USP34: variants seen among roughly 807,000 people sequenced by gnomAD.
USP34 encodes the protein ubiquitin specific peptidase 34, also known as ubiquitin carboxyl-terminal hydrolase 34.
In USP34, 70 loss-of-function variants were observed where a neutral mutation model predicts 460.3. That is an observed-to-expected ratio of 0.15 (90% CI 0.13 to 0.19). The LOEUF is 0.19. Ranked by LOEUF, USP34 falls within the 10% of genes least tolerant of loss-of-function variation. USP34 has a pLI of 1.00. For synonymous variants in USP34, 1,647 were observed against 1,405.3 expected (o/e 1.17, Z -3.85); for missense variants, 3,985 against 4,236.2 (o/e 0.94, Z 1.65).
intron 2 of USP34, among the ~76,000 whole-genome samples, chr2:61,420,512 C>G (rs966773109): frequency 6.6e-6 from 1 of 152,114 alleles, no homozygotes; most frequent in Non-Finnish European, 1.5e-5. Flanking sequence ...TTCTGTGACT[C>G]TCATATCCCT....
chr2:61,358,017 C>G (rs1283028061), intron 10 of USP34, among the ~76,000 whole-genome samples: 1 of 152,012 alleles, frequency 6.6e-6, no homozygotes, highest in Non-Finnish European at 1.5e-5. Flanking sequence ...ATGGCGAAAT[C>G]CCATCTCTAC....
intron 2 of USP34, among the ~76,000 whole-genome samples, chr2:61,412,220 AAGAAAGAAAC>A (rs1303234321): frequency 1.3e-5 from 2 of 150,278 alleles, no homozygotes; most frequent in Admixed American, 6.6e-5. Flanking sequence ...AAAGGAAGAA[AAGAAAGAAAC>A]AGAAAGAAAA....
intron 21 of USP34, among the ~76,000 whole-genome samples, chr2:61,322,484 T>C (rs1339885385): frequency 6.6e-6 from 1 of 152,100 alleles, no homozygotes; most frequent in East Asian, 1.9e-4. Flanking sequence ...TGAAAAAAAT[T>C]AGACAGTCCA....
chr2:61,431,756 C>T (rs1407263589), intron 1 of USP34, among the ~76,000 whole-genome samples: 3 of 151,876 alleles, frequency 2.0e-5, no homozygotes, highest in Admixed American at 1.3e-4. Context: ...TTGAGACCCG[C>T]GGCAGGAGAA....
At chr2:61,410,895 A>G (rs1694016648) in intron 2 of USP34, among the ~76,000 whole-genome samples, 1 of 152,216 alleles carries the variant, frequency 6.6e-6, no homozygotes, top group African/African-American at 2.4e-5. Flanking sequence ...CTCAGGACTT[A>G]AGAACATAAG....
chr2:61,280,712 G>A lies in USP34; in HGVS notation c.5152-364C>T, dbSNP rs532332334. 1.2e-4 allele frequency among the ~76,000 whole-genome samples: 19 copies of A among 152,116 alleles called. 1 individual carries two copies. In the South Asian group the frequency reaches 2.3e-3, roughly 18 times the overall value. ...AAAGACTAGTATATGAACTAGGGTA[G>A]GAAATAAAATTTAAAATTCTGAATA... is the stretch of plus-strand genomic sequence containing the variant. On this transcript the variant is annotated intron_variant, in intron 38 of 79. Coordinates refer to ENST00000398571, the MANE Select transcript of USP34 (RefSeq NM_014709.4).
chr2:61,373,950 C>A (rs1192305434), intron 8 of USP34, among the ~76,000 whole-genome samples: 3 of 151,984 alleles, frequency 2.0e-5, no homozygotes, highest in Non-Finnish European at 4.4e-5. Flanking sequence ...AGGTCAGGAG[C>A]TTAAGACCAG....
intron 10 of USP34, among the ~76,000 whole-genome samples, chr2:61,351,608 T>C (rs1691944664): frequency 1.3e-5 from 2 of 152,272 alleles, no homozygotes; most frequent in South Asian, 2.1e-4. Flanking sequence ...TCTATTAAAA[T>C]ATAGATTTTA....
intron 41 of USP34, among the ~76,000 whole-genome samples, chr2:61,274,554 G>C (rs1689316632): frequency 6.6e-6 from 1 of 151,804 alleles, no homozygotes; most frequent in African/African-American, 2.4e-5. Context: ...TAAAGGAAAA[G>C]GATCTGAGCA....
chr2:61,404,217 A>G (rs1176933274), intron 3 of USP34, among the ~76,000 whole-genome samples: 1 of 152,144 alleles, frequency 6.6e-6, no homozygotes, highest in African/African-American at 2.4e-5. Context: ...CAGATGAAGA[A>G]AGAGAGGTAT....
At position 61,416,979 on chromosome 2, in the gene USP34, A is replaced by G. The variant is rs918599136; in HGVS notation, c.131+3767T>C. ...GGATGAGCCGCTTCTCAGCCACCAT[A>G]TCTTCAAATTCATCGGCATTGAACT... On this transcript the variant is annotated intron_variant, in intron 2 of 79. Transcript: ENST00000398571. 5.4e-6 allele frequency: 7 copies of G among 1,308,100 alleles called. No homozygotes were observed. The Admixed American group carries it at 1.2e-4, about 22-fold the overall frequency. The allele number at this position is 1,308,100 out of a possible 1,614,324, so 81.0% of individuals were successfully genotyped here.
chr2:61,468,234 G>C (rs1373238409), intron 1 of USP34, among the ~76,000 whole-genome samples: 1 of 152,236 alleles, frequency 6.6e-6, no homozygotes, highest in African/African-American at 2.4e-5. Context: ...TGCCCAGGCT[G>C]GAGTGCAATG....
chr2:61,384,727 G>A (rs1033565710), intron 5 of USP34, among the ~76,000 whole-genome samples: 4 of 151,878 alleles, frequency 2.6e-5, no homozygotes, highest in African/African-American at 9.7e-5. Context: ...CAGAATGTAG[G>A]GATTCACTAT....
At chr2:61,234,009 A>G (rs914088851) in intron 57 of USP34, among the ~76,000 whole-genome samples, 5 of 152,182 alleles carry the variant, frequency 3.3e-5, no homozygotes, top group African/African-American at 1.2e-4. Context: ...TTCTTCCATT[A>G]TGGAAAAAAA....
chr2:61,403,576 ATTAT>A (rs1319547330), intron 3 of USP34, among the ~76,000 whole-genome samples: 1 of 152,138 alleles, frequency 6.6e-6, no homozygotes. Context: ...CATGTAAGAG[ATTAT>A]TTAAGTTTCT....
chr2:61,187,882 CAT>C lies in USP34; in HGVS notation c.*218_*219del. ...AAAGTGAACTCTTAATTACATAAAA[CAT>C]ATCCATTATCTGATTGCCCTTTAGG... On this transcript the variant is annotated 3_prime_UTR_variant, in exon 80 of 80. Transcript: ENST00000398571. 1 of 1,376,642 alleles carries C rather than the reference CAT, an allele frequency of 7.3e-7. No homozygotes were observed. The highest frequency in any genetic ancestry group is 2.8e-5 in the East Asian group (1 of 35,428). The allele number at this position is 1,376,642 out of a possible 1,614,324, so 85.3% of individuals were successfully genotyped here.
chr2:61,279,502 T>C (rs2103953238), intron 39 of USP34, among the ~76,000 whole-genome samples: 1 of 152,298 alleles, frequency 6.6e-6, no homozygotes, highest in African/African-American at 2.4e-5. Context: ...TTTCACTCTG[T>C]CGCCAGGCTA....
At chr2:61,305,932 GGTT>G (rs981796085) in intron 27 of USP34, among the ~76,000 whole-genome samples, 41 of 152,208 alleles carry the variant, frequency 2.7e-4, no homozygotes, top group African/African-American at 9.2e-4. Flanking sequence ...TTTTTGATGG[GGTT>G]GTTTTTTTCT....
intron 75 of USP34, among the ~76,000 whole-genome samples, chr2:61,198,238 AT>A (rs1196537424): frequency 6.6e-6 from 1 of 152,054 alleles, no homozygotes; most frequent in Non-Finnish European, 1.5e-5. Context: ...ACTAAGAGCG[AT>A]TTTCCCCTTG....
Sources: gnomAD v4.1 joint callset for allele counts (sites outside exome capture counted in the v4.1 genomes callset) on GRCh38, gnomAD v4.1.1 for gene constraint, MANE v1.5 for transcripts, NCBI Gene and HGNC (gene_info 2026-07-23, HGNC 2026-07-21) for gene names.